The following MAST4 variants were observed in gnomAD, a reference collection of about 807,000 sequenced individuals.
MAST4 encodes the protein microtubule associated serine/threonine kinase family member 4.
Under a neutral mutation model 162.7 loss-of-function variants are expected in MAST4, and 89 were observed. The ratio of observed to expected loss-of-function variants is 0.55; its 90% CI spans 0.46 to 0.65. The LOEUF is 0.65. MAST4 is among the 30% of genes least tolerant of loss of function. The pLI, the probability that MAST4 is intolerant of heterozygous loss-of-function variation, is 0.00. For synonymous variants in MAST4, 1,479 were observed against 1,361.1 expected, an observed-to-expected ratio of 1.09 and a Z score of -1.91; for missense variants, 3,153 against 3,374.0, an observed-to-expected ratio of 0.93 and a Z score of 1.62.
At chr5:66,860,635 T>C (rs2149837757) in intron 3 of MAST4, among the ~76,000 whole-genome samples, 1 of 151,434 alleles carries the variant, frequency 6.6e-6, no homozygotes, top group African/African-American at 2.4e-5. Context: ...GTATTTTTCG[T>C]CAGCAGCCTT....
At chr5:66,957,832 G>A (rs1745508348) in intron 4 of MAST4, among the ~76,000 whole-genome samples, 1 of 152,232 alleles carries the variant, frequency 6.6e-6, no homozygotes, top group African/African-American at 2.4e-5. Flanking sequence ...GCAGCCCAGA[G>A]CCAGGTGCAG....
intron 1 of MAST4, among the ~76,000 whole-genome samples, chr5:66,753,376 A>G (rs375344805): frequency 0.025 from 3,845 of 151,830 alleles, 116 homozygotes; most frequent in South Asian, 0.12. Context: ...GTTTTTTGAA[A>G]GGATCAACAA....
intron 5 of MAST4, among the ~76,000 whole-genome samples, chr5:67,071,781 A>G (rs1761033918): frequency 6.6e-6 from 1 of 152,250 alleles, no homozygotes; most frequent in Non-Finnish European, 1.5e-5. Context: ...AAGGATTTAC[A>G]GAAGATGACT....
At chr5:67,148,343 A>G (rs996071964) in intron 23 of MAST4, among the ~76,000 whole-genome samples, 1 of 152,202 alleles carries the variant, frequency 6.6e-6, no homozygotes, top group Non-Finnish European at 1.5e-5. Flanking sequence ...AAAGAAAAAC[A>G]CGATAGAAAA....
chr5:66,723,300 T>A (rs1189032900), intron 1 of MAST4, among the ~76,000 whole-genome samples: 2 of 152,162 alleles, frequency 1.3e-5, no homozygotes, highest in East Asian at 3.9e-4. Context: ...TTGAAATGAT[T>A]CTTCCTAAAC....
chr5:66,898,316 G>C (rs1483755099), intron 3 of MAST4, among the ~76,000 whole-genome samples: 1 of 152,184 alleles, frequency 6.6e-6, no homozygotes, highest in Non-Finnish European at 1.5e-5. Context: ...AAAAGATACA[G>C]TGTGGTGAGC....
chr5:67,157,818 C>T (rs1399343382), intron 26 of MAST4, among the ~76,000 whole-genome samples: 1 of 152,176 alleles, frequency 6.6e-6, no homozygotes, highest in African/African-American at 2.4e-5. Context: ...ATAACAAACT[C>T]TTCTAGGCCA....
At chr5:66,964,288 TCTC>T (rs1484353041) in intron 4 of MAST4, among the ~76,000 whole-genome samples, 2 of 152,202 alleles carry the variant, frequency 1.3e-5, no homozygotes, top group African/African-American at 2.4e-5. Flanking sequence ...TATTCACTCT[TCTC>T]TGTTTGTTAG....
intron 1 of MAST4, among the ~76,000 whole-genome samples, chr5:66,629,182 G>C (rs1344221258): frequency 6.6e-6 from 1 of 152,190 alleles, no homozygotes; most frequent in Admixed American, 6.5e-5. Context: ...GCCAAGGAAG[G>C]CTGGGCTTTT....
chr5:66,954,061 G>A (rs1359397095), intron 4 of MAST4, among the ~76,000 whole-genome samples: 1 of 152,156 alleles, frequency 6.6e-6, no homozygotes, highest in Non-Finnish European at 1.5e-5. Flanking sequence ...TGGTAGGGAA[G>A]ACTCCTTAAC....
chr5:67,000,663 G>A (rs1751176062), intron 4 of MAST4, among the ~76,000 whole-genome samples: 2 of 151,386 alleles, frequency 1.3e-5, no homozygotes, highest in African/African-American at 4.8e-5. Context: ...CAGGAGAATC[G>A]CTTGAACCTG....
At chr5:66,614,864 T>C (rs1743562322) in intron 1 of MAST4, among the ~76,000 whole-genome samples, 1 of 152,172 alleles carries the variant, frequency 6.6e-6, no homozygotes, top group Admixed American at 6.5e-5. Flanking sequence ...GGAGATGTTT[T>C]TCTCTGCAGC....
chr5:67,117,194 A>G (rs1240675586), intron 12 of MAST4, among the ~76,000 whole-genome samples: 1 of 152,188 alleles, frequency 6.6e-6, no homozygotes, highest in Non-Finnish European at 1.5e-5. Context: ...GATCCCTTCC[A>G]ACTAGATGCA....
chr5:66,705,022 C>T (rs1750041756), intron 1 of MAST4, among the ~76,000 whole-genome samples: 1 of 152,108 alleles, frequency 6.6e-6, no homozygotes, highest in Admixed American at 6.5e-5. Flanking sequence ...ATGTTAGGTG[C>T]CCACCAAGCC....
At chr5:66,750,538 C>T (rs961313583) in intron 1 of MAST4, among the ~76,000 whole-genome samples, 20 of 152,178 alleles carry the variant, frequency 1.3e-4, no homozygotes, top group South Asian at 4.1e-4. Flanking sequence ...GGGTGACGGA[C>T]GCACCTTGAA....
intron 3 of MAST4, among the ~76,000 whole-genome samples, chr5:66,796,686 A>G (rs909001845): frequency 1.3e-5 from 2 of 152,198 alleles, no homozygotes; most frequent in Non-Finnish European, 2.9e-5. Context: ...CAGCAATACT[A>G]CACATATATG....
In MAST4 at chr5:67,030,293, A is replaced by G. The variant is rs77809052; in HGVS notation, c.675-24111A>G. The stretch of plus-strand genomic sequence containing the variant: ...CTGTATTCCGTATCTCTTTTGTTTT[A>G]TAGTGTTACAAGCAATATTTGATGG... On this transcript the variant is annotated intron_variant, in intron 4 of 28. Coordinates refer to ENST00000403625, the MANE Select transcript of MAST4 (RefSeq NM_001164664.2). 1.1e-3 allele frequency among the ~76,000 whole-genome samples: 171 copies of G among 152,206 alleles called. 1 individual carries two copies. Among genetic ancestry groups the G allele is most frequent in the African/African-American group, 3.9e-3 (164 of 41,522 alleles).
chr5:66,913,407 C>T (rs1763902071), intron 4 of MAST4, among the ~76,000 whole-genome samples: 1 of 152,166 alleles, frequency 6.6e-6, no homozygotes, highest in African/African-American at 2.4e-5. Context: ...TGGCTTCTCA[C>T]TCAGCATAAT....
intron 1 of MAST4, among the ~76,000 whole-genome samples, chr5:66,623,409 A>AAAG (rs1744203676): frequency 6.6e-6 from 1 of 152,212 alleles, no homozygotes; most frequent in Admixed American, 6.5e-5. Context: ...ACTAGCAAAT[A>AAAG]TCATTCAGTA....
Sources: allele counts gnomAD v4.1 joint callset (sites outside exome capture counted in the v4.1 genomes callset), GRCh38; gene constraint gnomAD v4.1.1; transcripts MANE v1.5; gene names NCBI Gene and HGNC (gene_info 2026-07-23, HGNC 2026-07-21).